The following EVC2 variants were observed in gnomAD, a reference collection of about 807,000 sequenced individuals.
EVC2 encodes the protein limbin.
A neutral mutation model predicts 149.3 loss-of-function variants in EVC2; 148 were observed. The observed-to-expected ratio is 0.99, with a 90% CI of 0.87 to 1.14. The LOEUF (loss-of-function observed/expected upper bound fraction) is 1.14. Among genes scored for constraint, EVC2 ranks in the 50% most tolerant of loss-of-function variants. EVC2 has a pLI of 0.00. For missense variants in EVC2, 1,854 were observed against 1,627.3 expected (o/e 1.14, Z -2.40); for synonymous variants, 776 against 649.9 (o/e 1.19, Z -2.95).
downstream of EVC2, among the ~76,000 whole-genome samples, chr4:5,539,152 G>C (rs549897161): frequency 6.6e-6 from 1 of 152,224 alleles, no homozygotes; most frequent in African/African-American, 2.4e-5. Flanking sequence ...CTATGATTTA[G>C]TAATAAAAAA....
rs1225107165 is a variant in EVC2, at chr4:5,576,240, C to T, written c.3272G>A (p.Cys1091Tyr). Residue 1091 changes from cysteine (C) to tyrosine (Y), a missense_variant and splice_region_variant, in exon 18 of 22, where the codon TGT (cysteine) becomes TAT (tyrosine). Coordinates refer to ENST00000344408, the MANE Select transcript of EVC2 (RefSeq NM_147127.5). This position sits in a 1 kb window ranked among gnomAD's most constrained non-coding sequence, Gnocchi z 4.5. ...SQTLLEQHQQCLREEQQNSVV... is the reference protein window; with the variant it reads ...SQTLLEQHQQYLREEQQNSVV... The stretch of plus-strand genomic sequence containing the variant: ...GAGTGCTACGGGGCACACGGCATAC[C>T]ACTGCTGATGTTGCTCCAGTAATGT... 1 of 1,614,150 alleles carries T rather than the reference C, an allele frequency of 6.2e-7. No individual in the cohort carries two copies. Among genetic ancestry groups the T allele is most frequent in the Admixed American group, 1.7e-5 (1 of 60,020 alleles).
rs112602369 is a variant in EVC2 at position 5,677,428 on chromosome 4, G to A, written c.870+3832C>T. 7.4e-3 allele frequency among the ~76,000 whole-genome samples: 1,126 copies of A among 152,262 alleles called. 17 individuals carry two copies. Among genetic ancestry groups the A allele is most frequent in the African/African-American group, 0.026 (1,060 of 41,542 alleles). The stretch of plus-strand genomic sequence containing the variant: ...TGAATGTGGTCCACAGCCTGGGGGC[G>A]CCTGTCCTGGGGGCTGGTGTGGCTG... On this transcript the variant is annotated intron_variant, in intron 7 of 21. Coordinates refer to ENST00000344408, the MANE Select transcript of EVC2 (RefSeq NM_147127.5). This position sits in a 1 kb window ranked among gnomAD's most constrained non-coding sequence, Gnocchi z 4.3.
chr4:5,582,107 G>A (rs529060874), intron 17 of EVC2, among the ~76,000 whole-genome samples: 8 of 152,344 alleles, frequency 5.3e-5, no homozygotes, highest in African/African-American at 1.7e-4. Flanking sequence ...GGGGAAATGT[G>A]GGGTTGGAGC....
the EVC2 span, among the ~76,000 whole-genome samples, chr4:5,537,234 G>A: frequency 6.6e-6 from 1 of 152,182 alleles, no homozygotes; most frequent in African/African-American, 2.4e-5. Flanking sequence ...AGAGATTGCA[G>A]GGCAGAGTTT....
intron 16 of EVC2, among the ~76,000 whole-genome samples, chr4:5,599,559 T>C (rs1320527713): frequency 6.6e-6 from 1 of 151,592 alleles, no homozygotes; most frequent in Non-Finnish European, 1.5e-5. Flanking sequence ...CATCACACTC[T>C]GGGGACTGAT....
chr4:5,644,054 G>T (rs571189616), intron 9 of EVC2, among the ~76,000 whole-genome samples: 3 of 152,006 alleles, frequency 2.0e-5, no homozygotes, highest in Non-Finnish European at 1.5e-5. Flanking sequence ...CTTTATTCTA[G>T]AACATTCTGG....
In EVC2 at chr4:5,618,829, G is replaced by T; in HGVS notation, c.2502-147C>A. 1 of 773,356 alleles carries T rather than the reference G, an allele frequency of 1.3e-6. No homozygotes were observed. The highest frequency in any genetic ancestry group is 2.2e-6 in the Non-Finnish European group (1 of 454,428). The allele number at this position is 773,356 out of a possible 1,614,324, so 47.9% of individuals were successfully genotyped here. On this transcript the variant is annotated intron_variant, in intron 14 of 21. Transcript: ENST00000344408. The surrounding 1 kb of genome is among the most constrained non-coding windows in gnomAD (Gnocchi z 4.4). ...TCCTTAATCATGCATTCCTGCCACA[G>T]GCATTCCTTGAGCACCTAATGCATG...
At chr4:5,680,892 C>A (rs2151723541) in intron 7 of EVC2, among the ~76,000 whole-genome samples, 1 of 148,254 alleles carries the variant, frequency 6.7e-6, no homozygotes, top group Middle Eastern at 3.4e-3. Context: ...AGCAGAGAGA[C>A]CCGCCCCACA....
chr4:5,627,696 G>A (rs897209485), intron 12 of EVC2, among the ~76,000 whole-genome samples: 1 of 152,148 alleles, frequency 6.6e-6, no homozygotes, highest in Non-Finnish European at 1.5e-5. Context: ...GCAAAGGATG[G>A]CACTTAGAAC....
In EVC2 at chr4:5,640,823, G is replaced by C. The variant is rs1717278166; in HGVS notation, c.1161C>G (p.Thr387=). ...LQALEELEIA[T]LNRADADLEA... ...CCAGATCTGCATCTGCCCGATTCAGGGTTGCAATCTCCAACCTAGGAAACA... is the reference window on the plus strand; with the variant it reads ...CCAGATCTGCATCTGCCCGATTCAGCGTTGCAATCTCCAACCTAGGAAACA... Residue 387 remains threonine (T), a synonymous_variant, in exon 10 of 22, where the codon ACC becomes ACG. Transcript: ENST00000344408. This position sits in a 1 kb window ranked among gnomAD's most constrained non-coding sequence, Gnocchi z 4.6. 3.1e-6 allele frequency: 5 copies of C among 1,614,062 alleles called. No individual in the cohort carries two copies. The South Asian group carries it at 3.3e-5, about 11-fold the overall frequency.
Position 5,625,687 on chromosome 4 carries a change from G to T in EVC2, c.2046+62C>A. 1 of 1,604,114 alleles carries T rather than the reference G, an allele frequency of 6.2e-7. No homozygotes were observed. Among genetic ancestry groups the T allele is most frequent in the South Asian group, 1.1e-5 (1 of 90,600 alleles). ...AATGGCAATGTCTGGCACAGTACCT[G>T]GCACTTGATGGGTATCAGAAAGTGC... On this transcript the variant is annotated intron_variant, in intron 13 of 21. Coordinates refer to ENST00000344408, the MANE Select transcript of EVC2 (RefSeq NM_147127.5). This position sits in a 1 kb window ranked among gnomAD's most constrained non-coding sequence, Gnocchi z 4.0.
chr4:5,679,944 A>G lies in EVC2; in HGVS notation c.870+1316T>C, dbSNP rs1355655537. On this transcript the variant is annotated intron_variant, in intron 7 of 21. Coordinates refer to ENST00000344408, the MANE Select transcript of EVC2 (RefSeq NM_147127.5). This position sits in a 1 kb window ranked among gnomAD's most constrained non-coding sequence, Gnocchi z 5.1. ...TATCCTTACTCTGTAAGCTTTCTAT[A>G]TTTTTAAGGTATTTTTTTAAAACAC... Among the ~76,000 whole-genome samples, 3 of 152,160 alleles carry G rather than the reference A, an allele frequency of 2.0e-5. No homozygotes were observed. The highest frequency in any genetic ancestry group is 2.9e-5 in the Non-Finnish European group (2 of 68,034).
rs1180755010 is a variant in EVC2, at chr4:5,613,365, C to T, written c.2829+2057G>A. ...TTTCCCTTCACAAGCAGCTCTTCTC[C>T]GACAACAGTCACCTTCACTCTGGCG... On this transcript the variant is annotated intron_variant, in intron 16 of 21. Transcript: ENST00000344408. The surrounding 1 kb of genome is among the most constrained non-coding windows in gnomAD (Gnocchi z 4.6). Among the ~76,000 whole-genome samples the T allele has an allele frequency of 6.6e-5, 10 of 152,156 alleles. No individual in the cohort carries two copies. In the South Asian group the frequency reaches 1.5e-3, roughly 22 times the overall value.
chr4:5,694,328 T>C lies in EVC2; in HGVS notation c.450+7A>G, dbSNP rs751291549. 6.2e-7 allele frequency: 1 copy of C among 1,613,790 alleles called. No individual in the cohort carries two copies. The highest frequency in any genetic ancestry group is 8.5e-7 in the Non-Finnish European group (1 of 1,179,830). ...ATTTGTGTTAAAGCATTGAACTTAA[T>C]ACTTACCAGGCGGTGTGTTATAGGA... On this transcript the variant is annotated splice_region_variant and intron_variant, in intron 3 of 21. Coordinates refer to ENST00000344408, the MANE Select transcript of EVC2 (RefSeq NM_147127.5).
At chr4:5,665,098 G>A (rs550144218) in intron 8 of EVC2, among the ~76,000 whole-genome samples, 1 of 152,192 alleles carries the variant, frequency 6.6e-6, no homozygotes, top group East Asian at 1.9e-4. Flanking sequence ...GATGGGCTTT[G>A]TATGGGGTAA....
In EVC2 at chr4:5,567,703, GT is replaced by G. The variant is rs1307047160; in HGVS notation, c.3557+740del. ...TCCTAAAGGAGACTGTCTATGCAGA[GT>G]TACCCATAATTTAAAAAAAAATGGG... is the stretch of plus-strand genomic sequence containing the variant. On this transcript the variant is annotated intron_variant, in intron 20 of 21. Coordinates refer to ENST00000344408, the MANE Select transcript of EVC2 (RefSeq NM_147127.5). This position sits in a 1 kb window ranked among gnomAD's most constrained non-coding sequence, Gnocchi z 4.4. Among the ~76,000 whole-genome samples the G allele has an allele frequency of 6.6e-6, 1 of 151,976 alleles. No homozygotes were observed. Among genetic ancestry groups the G allele is most frequent in the African/African-American group, 2.4e-5 (1 of 41,350 alleles).
At position 5,637,022 on chromosome 4, in the gene EVC2, C is replaced by G. The variant is rs371935281; in HGVS notation, c.1470+3492G>C. On this transcript the variant is annotated intron_variant, in intron 10 of 21. Coordinates refer to ENST00000344408, the MANE Select transcript of EVC2 (RefSeq NM_147127.5). This position sits in a 1 kb window ranked among gnomAD's most constrained non-coding sequence, Gnocchi z 4.4. ...ACCTAGGACATCCGGAGTGATGGTG[C>G]CTGCCCAATACACGCTGGCTTGCAA... Among the ~76,000 whole-genome samples, 2 of 152,194 alleles carry G rather than the reference C, an allele frequency of 1.3e-5. No individual in the cohort carries two copies. Among genetic ancestry groups the G allele is most frequent in the South Asian group, 4.1e-4 (2 of 4,828 alleles).
intron 21 of EVC2, among the ~76,000 whole-genome samples, 156 bp from the exon 22 acceptor site, chr4:5,563,271 T>C (rs1434669996): frequency 1.3e-5 from 2 of 152,230 alleles, no homozygotes; most frequent in African/African-American, 4.8e-5. Context: ...ACCAGATTGC[T>C]GTAAAATTAG....
chr4:5,578,987 A>T (rs1035850686), intron 17 of EVC2, among the ~76,000 whole-genome samples: 1 of 152,246 alleles, frequency 6.6e-6, no homozygotes, highest in African/African-American at 2.4e-5. Context: ...CTTCAAAGGG[A>T]CCCATGCCTG....
Sources: allele counts gnomAD v4.1 joint callset (sites outside exome capture counted in the v4.1 genomes callset), GRCh38; gene constraint gnomAD v4.1.1; non-coding constraint Gnocchi (gnomAD v3.1); transcripts MANE v1.5; gene names NCBI Gene and HGNC (gene_info 2026-07-23, HGNC 2026-07-21).